Variants in EBF2 observed in about 807,000 individuals in gnomAD.
EBF2 encodes EBF transcription factor 2, also known as transcription factor COE2.
In EBF2, 21 loss-of-function variants were observed where a neutral mutation model predicts 72.8. That is an observed-to-expected ratio of 0.29 (90% CI 0.20 to 0.42). The LOEUF (loss-of-function observed/expected upper bound fraction) is 0.42, where lower values mean the gene tolerates loss of function less well. Ranked by LOEUF, EBF2 falls within the 10% of genes least tolerant of loss-of-function variation. The pLI is 1.00. For missense variants in EBF2, 637 were observed against 731.2 expected, an observed-to-expected ratio of 0.87 and a Z score of 1.49; for synonymous variants, 299 against 274.2, an observed-to-expected ratio of 1.09 and a Z score of -0.89.
In EBF2 at chr8:25,845,065, T is replaced by C. The variant is rs146984951; in HGVS notation, c.1697-425A>G. Among the ~76,000 whole-genome samples the C allele has an allele frequency of 8.6e-3, 1,317 of 152,310 alleles. 18 individuals carry two copies. Among genetic ancestry groups the C allele is most frequent in the African/African-American group, 0.03 (1,255 of 41,556 alleles). Reference sequence around the variant, plus strand: ...CCAGGTGCTGAGCCTGTTGATTTACTAGGGCATCGTTGATAACAAATCAAG... The same window carrying C: ...CCAGGTGCTGAGCCTGTTGATTTACCAGGGCATCGTTGATAACAAATCAAG... On this transcript the variant is annotated intron_variant, in intron 15 of 15. Transcript: ENST00000520164.
intron 10 of EBF2, among the ~76,000 whole-genome samples, chr8:25,867,648 C>T (rs146417291): frequency 1.3e-5 from 2 of 152,336 alleles, no homozygotes; most frequent in East Asian, 3.9e-4. Context: ...TCCATGATTT[C>T]CACATGCAGC....
intron 6 of EBF2, among the ~76,000 whole-genome samples, chr8:25,942,649 C>T (rs1480789220): frequency 6.6e-6 from 1 of 152,208 alleles, no homozygotes; most frequent in Non-Finnish European, 1.5e-5. Flanking sequence ...AACTGAAAGG[C>T]TTGTCTAACT....
At chr8:25,975,230 A>G (rs1804250070) in intron 6 of EBF2, among the ~76,000 whole-genome samples, 1 of 152,212 alleles carries the variant, frequency 6.6e-6, no homozygotes, top group African/African-American at 2.4e-5. Flanking sequence ...TACAGGGGAA[A>G]ATGAAAGAAA....
At chr8:25,929,673 C>T (rs1341657199) in intron 6 of EBF2, among the ~76,000 whole-genome samples, 1 of 152,110 alleles carries the variant, frequency 6.6e-6, no homozygotes, top group Non-Finnish European at 1.5e-5. Flanking sequence ...AGTCAGGATC[C>T]TTTGGTCCAC....
chr8:26,033,247 G>C (rs908264297), intron 5 of EBF2, 94 bp from the exon 6 acceptor site: 15 of 1,251,244 alleles, frequency 1.2e-5, no homozygotes, highest in African/African-American at 4.4e-5. Flanking sequence ...CCCCCAGACA[G>C]AGTCTGGCTC....
At position 25,912,417 on chromosome 8, in the gene EBF2, T is replaced by C. The variant is rs193256513; in HGVS notation, c.552-3862A>G. On this transcript the variant is annotated intron_variant, in intron 6 of 15. Transcript: ENST00000520164. ...TTTCCTTTGTAATATGTAAGTTATA[T>C]CTCAATACACCTGTTATTAAAAAAA... Among the ~76,000 whole-genome samples the C allele has an allele frequency of 7.2e-4, 108 of 150,476 alleles. 2 individuals carry two copies. Among genetic ancestry groups the C allele is most frequent in the Non-Finnish European group, 7.8e-4 (53 of 67,794 alleles).
At chr8:25,995,237 C>A (rs1287032894) in intron 6 of EBF2, among the ~76,000 whole-genome samples, 1 of 152,112 alleles carries the variant, frequency 6.6e-6, no homozygotes, top group African/African-American at 2.4e-5. Flanking sequence ...ATTTGGAAGA[C>A]GGAGGTTGCA....
chr8:25,845,397 T>G (rs1336395349), intron 15 of EBF2, among the ~76,000 whole-genome samples: 1 of 152,090 alleles, frequency 6.6e-6, no homozygotes, highest in Non-Finnish European at 1.5e-5. Context: ...CCATGCCTGG[T>G]GAATTTTTGT....
At chr8:26,035,830 C>T (rs1363270574) in intron 5 of EBF2, among the ~76,000 whole-genome samples, 1 of 152,172 alleles carries the variant, frequency 6.6e-6, no homozygotes, top group Non-Finnish European at 1.5e-5. Context: ...AATAAAAATG[C>T]AGGCCAGCTG....
At chr8:26,013,908 C>T (rs1385987238) in intron 6 of EBF2, among the ~76,000 whole-genome samples, 1 of 152,110 alleles carries the variant, frequency 6.6e-6, no homozygotes, top group East Asian at 1.9e-4. Context: ...CTTCCCAAAC[C>T]ATCAGGCTCT....
intron 6 of EBF2, among the ~76,000 whole-genome samples, chr8:25,952,222 C>T (rs1314763417): frequency 2.6e-5 from 4 of 152,244 alleles, no homozygotes; most frequent in South Asian, 4.1e-4. Context: ...CTTAAGCTCA[C>T]GAGTTGGAGG....
chr8:25,899,238 G>GTTT (rs78193563), intron 7 of EBF2, among the ~76,000 whole-genome samples: 205 of 140,314 alleles, frequency 1.5e-3, no homozygotes, highest in African/African-American at 4.8e-3. Flanking sequence ...ACCCTCCACA[G>GTTT]TTTTTTTTTT....
intron 6 of EBF2, among the ~76,000 whole-genome samples, chr8:25,909,077 C>T (rs1803085667): frequency 1.3e-5 from 2 of 152,126 alleles, no homozygotes; most frequent in African/African-American, 4.8e-5. Context: ...AGACAAAGTC[C>T]ATCTGTGCAG....
chr8:25,944,432 C>G (rs1171550538), intron 6 of EBF2, among the ~76,000 whole-genome samples: 1 of 152,052 alleles, frequency 6.6e-6, no homozygotes, highest in Non-Finnish European at 1.5e-5. Flanking sequence ...TTTTTGCAGG[C>G]AGAGGTCAAT....
intron 6 of EBF2, among the ~76,000 whole-genome samples, chr8:25,943,990 T>C (rs969285129): frequency 1.3e-5 from 2 of 152,180 alleles, no homozygotes; most frequent in Non-Finnish European, 2.9e-5. Context: ...CCCAGACTCG[T>C]GGTCTCCAAC....
rs72239959 is a variant in EBF2, at chr8:25,864,501, AAC to A, written c.1010-1706_1010-1705del. ...TTCCAAGAACTGGTAGATACACACA[AAC>A]ACACACACACACACACACACACAAA... On this transcript the variant is annotated intron_variant, in intron 10 of 15. Coordinates refer to ENST00000520164, the MANE Select transcript of EBF2 (RefSeq NM_022659.4). Among the ~76,000 whole-genome samples the A allele has an allele frequency of 1.1e-3, 171 of 149,260 alleles. 1 individual carries two copies. Among genetic ancestry groups the A allele is most frequent in the South Asian group, 7.3e-3 (35 of 4,762 alleles).
At chr8:26,027,613 T>C (rs565480424) in intron 6 of EBF2, among the ~76,000 whole-genome samples, 1 of 210 alleles carries the variant, frequency 4.8e-3, no homozygotes, top group African/African-American at 0.018. Context: ...CAATTCCACT[T>C]CTGGGTATGT....
chr8:26,036,381 A>G (rs892655431), intron 5 of EBF2, among the ~76,000 whole-genome samples: 1 of 152,216 alleles, frequency 6.6e-6, no homozygotes, highest in Non-Finnish European at 1.5e-5. Flanking sequence ...TTTAAATATC[A>G]TCTCTAATGC....
intron 15 of EBF2, among the ~76,000 whole-genome samples, chr8:25,846,347 G>A (rs965691902): frequency 4.6e-5 from 7 of 152,076 alleles, no homozygotes; most frequent in Non-Finnish European, 4.4e-5. Context: ...TGAGGTAGAA[G>A]GTGGAACCAT....
Sources: allele counts gnomAD v4.1 joint callset (sites outside exome capture counted in the v4.1 genomes callset), GRCh38; gene constraint gnomAD v4.1.1; transcripts MANE v1.5; gene names NCBI Gene and HGNC (gene_info 2026-07-23, HGNC 2026-07-21).